The following ARID1A variants were observed in gnomAD, a reference collection of about 807,000 sequenced individuals.
ARID1A encodes the protein AT-rich interactive domain-containing protein 1A.
A neutral mutation model predicts 212.6 loss-of-function variants in ARID1A; 20 were observed. The ratio of observed to expected loss-of-function variants is 0.09; its 90% confidence interval spans 0.07 to 0.14. The LOEUF is 0.14. Among genes scored for constraint, ARID1A ranks in the 10% least tolerant of loss-of-function variants. The pLI is 1.00. For missense variants in ARID1A, 2,587 were observed against 3,059.0 expected (o/e 0.85, Z 3.64); for synonymous variants, 1,376 against 1,222.1 (o/e 1.13, Z -2.63).
chr1:26,740,844 T>C (rs1260206257), intron 4 of ARID1A, among the ~76,000 whole-genome samples: 1 of 152,216 alleles, frequency 6.6e-6, no homozygotes, highest in Non-Finnish European at 1.5e-5. Flanking sequence ...ATGTGGAACA[T>C]GCAGGAAAGA....
At chr1:26,734,470 C>T (rs1273007167) in intron 4 of ARID1A, among the ~76,000 whole-genome samples, 1 of 151,766 alleles carries the variant, frequency 6.6e-6, no homozygotes, top group Non-Finnish European at 1.5e-5. Context: ...TGTTGGCAGC[C>T]TTTTAGGCCC....
intron 11 of ARID1A, 80 bp downstream of exon 11, chr1:26,768,079 C>A: frequency 7.1e-7 from 1 of 1,413,880 alleles, no homozygotes; most frequent in Non-Finnish European, 9.7e-7. Flanking sequence ...TCATGTGGTA[C>A]CATGCATCCC....
At chr1:26,729,464 A>G (rs1570573823) in intron 1 of ARID1A, 187 bp from the exon 2 acceptor site, 1 of 652,796 alleles carries the variant, frequency 1.5e-6, no homozygotes, top group East Asian at 2.8e-5. Flanking sequence ...CATTTTTCAA[A>G]TGACAAAATT....
Position 26,774,482 on chromosome 1 carries a change from G to T in ARID1A, c.4255G>T (p.Ala1419Ser). ...CCAGCCTGCCAGCCAGCAACAAGCT[G>T]CCCAGCCTTCCCCTCAGCAAGATGT... ...QPQPASQQQA[A>S]QPSPQQDVYN... The change falls in exon 18 of 20, where the codon GCC becomes TCC. Residue 1419 changes from alanine (A) to serine (S), a missense_variant. Coordinates refer to ENST00000324856, the MANE Select transcript of ARID1A (RefSeq NM_006015.6). This position sits in a 1 kb window ranked among gnomAD's most constrained non-coding sequence, Gnocchi z 5.6. 1 of 1,613,626 alleles carries T rather than the reference G, an allele frequency of 6.2e-7. No homozygotes were observed. The highest frequency in any genetic ancestry group is 8.5e-7 in the Non-Finnish European group (1 of 1,179,734).
chr1:26,743,654 G>A (rs950559010), intron 4 of ARID1A, among the ~76,000 whole-genome samples: 3 of 151,638 alleles, frequency 2.0e-5, no homozygotes, highest in African/African-American at 4.9e-5. Flanking sequence ...ACAACATGGC[G>A]AAACCCTGTC....
intron 4 of ARID1A, among the ~76,000 whole-genome samples, chr1:26,740,776 G>A (rs1421235653): frequency 1.3e-5 from 2 of 152,172 alleles, no homozygotes; most frequent in African/African-American, 4.8e-5. Flanking sequence ...AACTACTTCT[G>A]GCAAGAGGTA....
chr1:26,768,661 G>A (rs1264437748), intron 11 of ARID1A, among the ~76,000 whole-genome samples: 1 of 152,226 alleles, frequency 6.6e-6, no homozygotes, highest in Non-Finnish European at 1.5e-5. Flanking sequence ...TAGTTATTCT[G>A]TATGGGAAAC....
Position 26,774,468 on chromosome 1 carries a change from G to A in ARID1A, c.4241G>A (p.Ser1414Asn), listed in dbSNP as rs2124117977. The A allele has an allele frequency of 6.2e-7, 1 of 1,613,768 alleles. No individual in the cohort carries two copies. The highest frequency in any genetic ancestry group is 1.7e-5 in the Admixed American group (1 of 59,960). ...CCCCCAGCCCAGCCCCAGCCTGCCA[G>A]CCAGCAACAAGCTGCCCAGCCTTCC... ...QLPPAQPQPA[S>N]QQQAAQPSPQ... is the part of the protein sequence containing the mutation. The change falls in exon 18 of 20, where the codon AGC becomes AAC. Residue 1414 changes from serine (S) to asparagine (N), a missense_variant. By Grantham distance (46) the Ser-to-Asn change is conservative. Transcript: ENST00000324856. This position sits in a 1 kb window ranked among gnomAD's most constrained non-coding sequence, Gnocchi z 5.6.
In ARID1A at chr1:26,697,554, TG is replaced by T; in HGVS notation, c.1137+18del. 3 of 1,335,282 alleles carry T rather than the reference TG, an allele frequency of 2.2e-6. No individual in the cohort carries two copies. Among genetic ancestry groups the T allele is most frequent in the Non-Finnish European group, 2.9e-6 (3 of 1,051,152 alleles). 82.7% of individuals were successfully genotyped at this position (1,335,282 alleles called of 1,614,324 possible). The stretch of plus-strand genomic sequence containing the variant: ...CGGACCCCTCAGGTACACAGCTGAG[TG>T]GGGAGGGGGCTGGGGCGAGCGTGGT... On this transcript the variant is annotated intron_variant, in intron 1 of 19. Coordinates refer to ENST00000324856, the MANE Select transcript of ARID1A (RefSeq NM_006015.6).
rs745637145 is a variant in ARID1A at position 26,729,793 on chromosome 1, C to T, written c.1280C>T (p.Pro427Leu). The T allele has an allele frequency of 1.2e-5, 20 of 1,614,130 alleles. No individual in the cohort carries two copies. The highest frequency in any genetic ancestry group is 5.0e-5 in the Admixed American group (3 of 60,008). ...GGGCAGCCATACGGGTCCCAGACCC[C>T]GCAGCGGTACCCGATGACCATGCAG... ...YPGQPYGSQT[P>L]QRYPMTMQGR... Residue 427 changes from proline (P) to leucine (L), a missense_variant, in exon 2 of 20, where the codon CCG (proline) becomes CTG (leucine). Physicochemically the swap from Pro to Leu is moderately conservative, Grantham distance 98. This residue lies in a region of ARID1A where 674 missense variants were observed against 813.4 expected (regional missense o/e 0.83). Transcript: ENST00000324856.
chr1:26,696,292 G>T lies in ARID1A; in HGVS notation c.-112G>T, dbSNP rs2080250198. ...GCAGCAGCGGAGCCCCGCGAGGCCC[G>T]CCCGGGCGGGTGGGGAGGGCAGCCC... On this transcript the variant is annotated 5_prime_UTR_variant, in exon 1 of 20. Transcript: ENST00000324856. 5 of 1,145,236 alleles carry T rather than the reference G, an allele frequency of 4.4e-6. No homozygotes were observed. The highest frequency in any genetic ancestry group is 5.4e-6 in the Non-Finnish European group (5 of 930,216). 70.9% of individuals were successfully genotyped at this position (1,145,236 alleles called of 1,614,324 possible).
chr1:26,700,330 T>C (rs548420149), intron 1 of ARID1A, among the ~76,000 whole-genome samples: 2 of 152,364 alleles, frequency 1.3e-5, no homozygotes, highest in East Asian at 3.9e-4. Flanking sequence ...GAGACTTAAT[T>C]AACACAGCTA....
chr1:26,762,377 T>G, intron 7 of ARID1A, 58 bp downstream of exon 7: 2 of 1,550,782 alleles, frequency 1.3e-6, no homozygotes, highest in Non-Finnish European at 1.8e-6. Flanking sequence ...CAGTTCCTTG[T>G]CTGATATGTT....
In ARID1A at chr1:26,771,304, C is replaced by G. The variant is rs2124098394; in HGVS notation, c.3384C>G (p.Pro1128=). 1.2e-6 allele frequency: 2 copies of G among 1,614,168 alleles called. No homozygotes were observed. The highest frequency in any genetic ancestry group is 1.7e-6 in the Non-Finnish European group (2 of 1,180,026). The change falls in exon 12 of 20, where the codon CCC becomes CCG. Residue 1128 remains proline (P), a synonymous_variant. Coordinates refer to ENST00000324856, the MANE Select transcript of ARID1A (RefSeq NM_006015.6). The surrounding 1 kb of genome is among the most constrained non-coding windows in gnomAD (Gnocchi z 5.4). ...FAAADSKKSQ[P]KIQPPSPAGS... is the part of the protein sequence containing the mutation. ...CTGCTGATTCCAAGAAGTCCCAGCC[C>G]AAGATCCAGCCTCCCTCTCCTGGTA... is the stretch of plus-strand genomic sequence containing the variant.
intron 1 of ARID1A, among the ~76,000 whole-genome samples, chr1:26,699,389 C>G (rs750253133): frequency 1.3e-5 from 2 of 152,174 alleles, no homozygotes; most frequent in Non-Finnish European, 2.9e-5. Flanking sequence ...GGGGGAAGCT[C>G]CATTCATCCC....
rs2124113838 is a variant in ARID1A, at chr1:26,773,720, G to C, written c.4004+3G>C. On this transcript the variant is annotated splice_donor_region_variant and intron_variant, in intron 16 of 19. Coordinates refer to ENST00000324856, the MANE Select transcript of ARID1A (RefSeq NM_006015.6). ...CAGCAGCAGCAGCAGCAGCAACGGTGAGTAAAGCCTGGTCTCGGTGCTGCT... is the reference window on the plus strand; with the variant it reads ...CAGCAGCAGCAGCAGCAGCAACGGTCAGTAAAGCCTGGTCTCGGTGCTGCT... The C allele has an allele frequency of 6.2e-7, 1 of 1,614,150 alleles. No individual in the cohort carries two copies. Among genetic ancestry groups the C allele is most frequent in the East Asian group, 2.2e-5 (1 of 44,878 alleles).
At position 26,779,966 on chromosome 1, in the gene ARID1A, A is replaced by T. The variant is rs2124145529; in HGVS notation, c.6068A>T (p.Glu2023Val). 1.2e-6 allele frequency: 2 copies of T among 1,614,140 alleles called. No homozygotes were observed. Among genetic ancestry groups the T allele is most frequent in the Non-Finnish European group, 1.7e-6 (2 of 1,180,008 alleles). ...ATCCTGCTGCACCACAAGCACCCAGAACGGAAGCAGGCACCACTAACTTAT... is the reference window on the plus strand; with the variant it reads ...ATCCTGCTGCACCACAAGCACCCAGTACGGAAGCAGGCACCACTAACTTAT... ...KLILLHHKHP[E>V]RKQAPLTYEK... Residue 2023 changes from glutamate to valine, a missense_variant, in exon 20 of 20, where the codon GAA becomes GTA. Around this residue, in one of 11 missense-constraint regions of ARID1A, gnomAD observed 168 missense variants for 321.0 expected, o/e 0.52. Coordinates refer to ENST00000324856, the MANE Select transcript of ARID1A (RefSeq NM_006015.6).
Position 26,775,030 on chromosome 1 carries a change from T to G in ARID1A, c.4803T>G (p.Pro1601=). 1 of 1,607,048 alleles carries G rather than the reference T, an allele frequency of 6.2e-7. No individual in the cohort carries two copies. Among genetic ancestry groups the G allele is most frequent in the Non-Finnish European group, 8.5e-7 (1 of 1,177,078 alleles). The change falls in exon 18 of 20, where the codon CCT becomes CCG. Residue 1601 remains proline (P), a synonymous_variant. Coordinates refer to ENST00000324856, the MANE Select transcript of ARID1A (RefSeq NM_006015.6). ...LPRPMENRTS[P]SKSPFLHSGM... ...GGCCAATGGAGAACCGCACCTCTCC[T>G]AGCAAGTCTCCATTCCTGCACTCTG...
chr1:26,710,040 C>T (rs2124762182), intron 1 of ARID1A, among the ~76,000 whole-genome samples: 1 of 149,612 alleles, frequency 6.7e-6, no homozygotes, highest in Admixed American at 6.6e-5. Context: ...CCACGTTGGC[C>T]AGGCTGGTCT....
Sources: allele counts gnomAD v4.1 joint callset (sites outside exome capture counted in the v4.1 genomes callset), GRCh38; gene constraint gnomAD v4.1.1; regional missense constraint gnomAD v4.1.1; non-coding constraint Gnocchi (gnomAD v3.1); transcripts MANE v1.5; gene names NCBI Gene and HGNC (gene_info 2026-07-23, HGNC 2026-07-21).